COBL: variants seen among roughly 807,000 people sequenced by gnomAD.
COBL encodes the protein protein cordon-bleu.
COBL carries 51 observed loss-of-function variants against 98.8 expected under a neutral mutation model. The observed-to-expected ratio is 0.52, with a 90% CI of 0.41 to 0.65. The LOEUF (loss-of-function observed/expected upper bound fraction) is 0.65. COBL is among the 30% of genes least tolerant of loss of function. The pLI is 0.00. For synonymous variants in COBL, 634 were observed against 651.7 expected (o/e 0.97, Z 0.41); for missense variants, 1,617 against 1,617.5 (o/e 1.00, Z 0.01).
At chr7:51,300,551 G>A (rs1183640073) in intron 1 of COBL, among the ~76,000 whole-genome samples, 1 of 152,110 alleles carries the variant, frequency 6.6e-6, no homozygotes, top group Non-Finnish European at 1.5e-5. Context: ...GTGTTAGAAG[G>A]AGCCATGTGG....
At chr7:51,065,915 AC>A (rs1313487803) in intron 7 of COBL, among the ~76,000 whole-genome samples, 16 of 152,244 alleles carry the variant, frequency 1.1e-4, no homozygotes, top group African/African-American at 3.9e-4. Flanking sequence ...ACAAGGGAAG[AC>A]CCAGGGATAA....
At position 51,284,254 on chromosome 7, in the gene COBL, T is replaced by C. The variant is rs183184479; in HGVS notation, c.41+32339A>G. Among the ~76,000 whole-genome samples the C allele has an allele frequency of 5.7e-3, 853 of 150,662 alleles. 2 individuals are homozygous for C. Among genetic ancestry groups the C allele is most frequent in the African/African-American group, 0.02 (821 of 40,930 alleles). ...AGGCAGAGCTTGCAGTGAGCAGAGA[T>C]TGCGCCACTGCACTCCAGCCTGGGC... On this transcript the variant is annotated intron_variant, in intron 1 of 12. Coordinates refer to ENST00000265136, the MANE Select transcript of COBL (RefSeq NM_015198.5).
intron 7 of COBL, among the ~76,000 whole-genome samples, chr7:51,079,799 T>C (rs1562881960): frequency 6.6e-6 from 1 of 152,230 alleles, no homozygotes; most frequent in African/African-American, 2.4e-5. Context: ...TAGAGCCACA[T>C]ACACCCGGGG....
intron 1 of COBL, among the ~76,000 whole-genome samples, chr7:51,238,607 T>C (rs577565289): frequency 9.2e-5 from 14 of 151,960 alleles, no homozygotes; most frequent in Non-Finnish European, 1.8e-4. Context: ...TCTTTTCTTA[T>C]GTTAAAGCAA....
At chr7:51,309,634 G>A (rs1802827166) in intron 1 of COBL, among the ~76,000 whole-genome samples, 1 of 152,128 alleles carries the variant, frequency 6.6e-6, no homozygotes, top group African/African-American at 2.4e-5. Flanking sequence ...TTTGAAAGAG[G>A]ACTCTAGAAT....
At chr7:51,281,464 G>T (rs1314866219) in intron 1 of COBL, among the ~76,000 whole-genome samples, 3 of 151,958 alleles carry the variant, frequency 2.0e-5, no homozygotes, top group Admixed American at 2.0e-4. Context: ...CCCTATACAG[G>T]ATGAGTACAA....
chr7:51,265,238 G>A (rs57379398), intron 1 of COBL, among the ~76,000 whole-genome samples: 15,320 of 152,246 alleles, frequency 0.1, 1,038 homozygotes, highest in East Asian at 0.3. Context: ...TGCCACATCT[G>A]CATCCACACC....
intron 5 of COBL, among the ~76,000 whole-genome samples, chr7:51,178,981 G>C (rs1193723747): frequency 1.3e-5 from 2 of 152,100 alleles, no homozygotes; most frequent in Non-Finnish European, 2.9e-5. Context: ...TTGACTAAAT[G>C]AATATTATTT....
At chr7:51,061,294 T>G (rs1402494456) in intron 7 of COBL, among the ~76,000 whole-genome samples, 1 of 152,186 alleles carries the variant, frequency 6.6e-6, no homozygotes, top group Non-Finnish European at 1.5e-5. Context: ...TTTCCCCTTA[T>G]TCCCTTAACA....
chr7:51,223,201 G>A (rs1793826757), intron 1 of COBL, among the ~76,000 whole-genome samples: 2 of 152,292 alleles, frequency 1.3e-5, no homozygotes, highest in African/African-American at 4.8e-5. Flanking sequence ...CAGGCTGCAA[G>A]GGCGGCAGGG....
Position 51,316,587 on chromosome 7 carries a change from G to T in COBL, c.41+6C>A, listed in dbSNP as rs1001742605. 7.0e-5 allele frequency: 85 copies of T among 1,208,452 alleles called. No homozygotes were observed. Among genetic ancestry groups the T allele is most frequent in the Admixed American group, 2.2e-4 (5 of 22,790 alleles). 74.9% of individuals were successfully genotyped at this position (1,208,452 alleles called of 1,614,324 possible). A position where few individuals can be genotyped will look rare whatever the true frequency, so the allele number is the denominator to read the frequency against. On this transcript the variant is annotated splice_donor_region_variant and intron_variant, in intron 1 of 12. Transcript: ENST00000265136. The stretch of plus-strand genomic sequence containing the variant: ...CTCCACCCCGCCCGACCGCGGGGCC[G>T]CTTACCCGGTCGGGGGCTTGGCCGC...
At position 51,261,810 on chromosome 7, in the gene COBL, T is replaced by C. The variant is rs558539577; in HGVS notation, c.42-41866A>G. Among the ~76,000 whole-genome samples, 22 of 152,204 alleles carry C rather than the reference T, an allele frequency of 1.4e-4. 1 individual carries two copies. The South Asian group carries it at 3.3e-3, about 23-fold the overall frequency. ...TCGTGAAACCCCCTCTCTACAAAAA[T>C]TAGCTGGGAATTGTGGCATCTGCCT... is the stretch of plus-strand genomic sequence containing the variant. On this transcript the variant is annotated intron_variant, in intron 1 of 12. Transcript: ENST00000265136.
chr7:51,211,846 CA>C (rs1042651289), intron 2 of COBL, among the ~76,000 whole-genome samples: 29 of 152,174 alleles, frequency 1.9e-4, no homozygotes, highest in African/African-American at 6.0e-4. Context: ...ACTACACAGA[CA>C]TCAAGAAAAA....
chr7:51,138,550 C>T (rs889774966), intron 5 of COBL, among the ~76,000 whole-genome samples: 9 of 152,308 alleles, frequency 5.9e-5, no homozygotes, highest in African/African-American at 2.2e-4. Flanking sequence ...CCCATCTTTC[C>T]TCATCAGTAG....
At chr7:51,172,709 C>T (rs867958621) in intron 5 of COBL, among the ~76,000 whole-genome samples, 10 of 152,226 alleles carry the variant, frequency 6.6e-5, no homozygotes, top group African/African-American at 2.4e-4. Context: ...CCAAAGTGCT[C>T]CCTGATTCGG....
At chr7:51,045,378 C>A (rs753632621) in intron 7 of COBL, among the ~76,000 whole-genome samples, 1 of 152,110 alleles carries the variant, frequency 6.6e-6, no homozygotes, top group Non-Finnish European at 1.5e-5. Context: ...CCAATCCAAG[C>A]ATGTGGGCTC....
chr7:51,270,473 T>C lies in COBL; in HGVS notation c.41+46120A>G, dbSNP rs116036825. Reference sequence around the variant, plus strand: ...GTGGGGAAGAGAGGGTAAGGGAACATAGGGTGAATTTTGGCAGAAGACAAA... The same window carrying C: ...GTGGGGAAGAGAGGGTAAGGGAACACAGGGTGAATTTTGGCAGAAGACAAA... On this transcript the variant is annotated intron_variant, in intron 1 of 12. Transcript: ENST00000265136. 4.7e-3 allele frequency among the ~76,000 whole-genome samples: 720 copies of C among 152,282 alleles called. 3 individuals carry two copies. Among genetic ancestry groups the C allele is most frequent in the African/African-American group, 0.016 (668 of 41,550 alleles).
intron 1 of COBL, among the ~76,000 whole-genome samples, chr7:51,237,948 G>A (rs920855861): frequency 2.0e-5 from 3 of 152,170 alleles, no homozygotes; most frequent in Non-Finnish European, 4.4e-5. Flanking sequence ...GATGTCACAG[G>A]TGGCTCTGTT....
chr7:51,077,840 A>G (rs758212534), intron 7 of COBL, among the ~76,000 whole-genome samples: 2 of 152,190 alleles, frequency 1.3e-5, no homozygotes, highest in Non-Finnish European at 2.9e-5. Context: ...TCTGCACTGA[A>G]ATCGTCCCTC....
Sources: allele counts gnomAD v4.1 joint callset (sites outside exome capture counted in the v4.1 genomes callset), GRCh38; gene constraint gnomAD v4.1.1; transcripts MANE v1.5; gene names NCBI Gene and HGNC (gene_info 2026-07-23, HGNC 2026-07-21).